Variants in RAB3IL1 observed in about 807,000 individuals in gnomAD.
The protein encoded by RAB3IL1 is guanine nucleotide exchange factor for Rab-3A.
Under a neutral mutation model 49.2 loss-of-function variants are expected in RAB3IL1, and 37 were observed. That is an observed-to-expected ratio of 0.75 (90% CI 0.58 to 0.99). The LOEUF (loss-of-function observed/expected upper bound fraction) is 0.99. Among genes scored for constraint, RAB3IL1 ranks in the 50% least tolerant of loss-of-function variants. The pLI, the probability that RAB3IL1 is intolerant of heterozygous loss-of-function variation, is 0.00. For missense variants in RAB3IL1, 484 were observed against 513.0 expected (o/e 0.94, Z 0.55); for synonymous variants, 193 against 213.9 (o/e 0.90, Z 0.85).
chr11:61,898,653 T>G lies in RAB3IL1; in HGVS notation c.1067-293A>C, dbSNP rs1268227646. 6.6e-6 allele frequency among the ~76,000 whole-genome samples: 1 copy of G among 152,210 alleles called. No individual in the cohort carries two copies. The highest frequency in any genetic ancestry group is 6.5e-5 in the Admixed American group (1 of 15,284). Reference sequence around the variant, plus strand: ...TACACGCTGTCACATGCCACAGCGGTGGTCCAGACCTGGGAACTACATTAG... The same window carrying G: ...TACACGCTGTCACATGCCACAGCGGGGGTCCAGACCTGGGAACTACATTAG... On this transcript the variant is annotated intron_variant, in intron 9 of 9. Transcript: ENST00000394836. The surrounding 1 kb of genome is among the most constrained non-coding windows in gnomAD (Gnocchi z 5.1).
rs545967326 is a variant in RAB3IL1, at chr11:61,903,969, C to T, written c.899+577G>A. Among the ~76,000 whole-genome samples, 6 of 152,080 alleles carry T rather than the reference C, an allele frequency of 3.9e-5. No individual in the cohort carries two copies. In the East Asian group the frequency reaches 9.7e-4, roughly 25 times the overall value. On this transcript the variant is annotated intron_variant, in intron 7 of 9. Coordinates refer to ENST00000394836, the MANE Select transcript of RAB3IL1 (RefSeq NM_013401.4). ...TAGCCAGATGCCCCAGTGGTGCTTC[C>T]GTTAATACTCCAGCTTCTCACACCT...
chr11:61,944,545 C>T, the RAB3IL1 span, among the ~76,000 whole-genome samples: 1 of 152,134 alleles, frequency 6.6e-6, no homozygotes, highest in Non-Finnish European at 1.5e-5. Context: ...ACCAATTAAG[C>T]AAATCAGCAA....
chr11:61,921,868 C>A (rs1388094683), upstream of RAB3IL1, among the ~76,000 whole-genome samples: 1 of 152,140 alleles, frequency 6.6e-6, no homozygotes, highest in Non-Finnish European at 1.5e-5. Context: ...GGAAGTTCTC[C>A]CCTGTGAAAT....
chr11:61,911,829 G>A (rs933075981), intron 1 of RAB3IL1, among the ~76,000 whole-genome samples: 2 of 152,106 alleles, frequency 1.3e-5, no homozygotes, highest in African/African-American at 2.4e-5. Flanking sequence ...AAGGCCCCAC[G>A]GGTCACTTCC....
intron 1 of RAB3IL1, among the ~76,000 whole-genome samples, chr11:61,911,576 T>C (rs1939454725): frequency 6.6e-6 from 1 of 152,142 alleles, no homozygotes; most frequent in Non-Finnish European, 1.5e-5. Context: ...GACCACTTAA[T>C]GTTCTGCTGC....
intron 1 of RAB3IL1, among the ~76,000 whole-genome samples, chr11:61,912,562 G>A (rs925232655): frequency 2.6e-5 from 4 of 152,242 alleles, no homozygotes; most frequent in African/African-American, 9.6e-5. Context: ...ATTGCAGGGA[G>A]ATGCGCTCCT....
intron 7 of RAB3IL1, among the ~76,000 whole-genome samples, chr11:61,904,257 GTTAT>G (rs1565359220): frequency 6.6e-6 from 1 of 152,044 alleles, no homozygotes; most frequent in African/African-American, 2.4e-5. Context: ...CTACTGCGTC[GTTAT>G]TTATTGGCAG....
the RAB3IL1 span, among the ~76,000 whole-genome samples, chr11:61,931,689 T>C: frequency 6.6e-6 from 1 of 152,146 alleles, no homozygotes; most frequent in African/African-American, 2.4e-5. Flanking sequence ...GAGGCATTAA[T>C]AACCTCAGGA....
intron 8 of RAB3IL1, among the ~76,000 whole-genome samples, chr11:61,900,751 C>T (rs900050228): frequency 6.6e-6 from 1 of 152,170 alleles, no homozygotes; most frequent in African/African-American, 2.4e-5. Flanking sequence ...AACTTCAGAC[C>T]CTCCTCACCT....
the RAB3IL1 span, among the ~76,000 whole-genome samples, chr11:61,936,798 T>G: frequency 6.6e-6 from 1 of 152,150 alleles, no homozygotes; most frequent in African/African-American, 2.4e-5. Context: ...CAAAAGAGGA[T>G]TAAGATTTCT....
At chr11:61,902,855 TC>T (rs1254963368) in intron 7 of RAB3IL1, among the ~76,000 whole-genome samples, 1 of 152,100 alleles carries the variant, frequency 6.6e-6, no homozygotes, top group Non-Finnish European at 1.5e-5. Flanking sequence ...CATATGCCTC[TC>T]CCTCTACTTC....
At position 61,902,489 on chromosome 11, in the gene RAB3IL1, C is replaced by T. The variant is rs1389162766; in HGVS notation, c.952G>A (p.Gly318Arg). 9 of 1,603,756 alleles carry T rather than the reference C, an allele frequency of 5.6e-6. No homozygotes were observed. The highest frequency in any genetic ancestry group is 2.7e-5 in the African/African-American group (2 of 74,898). The change falls in exon 8 of 10, where the codon GGG (glycine) becomes AGG (arginine). Residue 318 changes from glycine to arginine, a missense_variant. Physicochemically the swap from Gly to Arg is moderately radical, Grantham distance 125. Transcript: ENST00000394836. The stretch of plus-strand genomic sequence containing the variant: ...ATGTAGTAATGGCTTTTGGAGTCCC[C>T]GAGCCGGATTCGGTGGCGGCAGGTG... Reference protein sequence around the residue: ...TRTCRHRIRLGDSKSHYYISP... With the variant: ...TRTCRHRIRLRDSKSHYYISP...
chr11:61,944,184 C>CTTCCTTCCCTTCCTTGCT, the RAB3IL1 span, among the ~76,000 whole-genome samples: 1 of 148,862 alleles, frequency 6.7e-6, no homozygotes, highest in African/African-American at 2.5e-5. Flanking sequence ...ACCTCCTTCC[C>CTTCCTTCCCTTCCTTGCT]TTCCTTCCCT....
rs1841684072 is a variant in RAB3IL1 at position 61,897,998 on chromosome 11, A to T, written c.*280T>A. 2.4e-6 allele frequency: 1 copy of T among 412,216 alleles called. No homozygotes were observed. Among genetic ancestry groups the T allele is most frequent in the Admixed American group, 4.1e-5 (1 of 24,500 alleles). The allele number at this position is 412,216 out of a possible 1,614,324, so 25.5% of individuals were successfully genotyped here. A position where few individuals can be genotyped will look rare whatever the true frequency, so the allele number is the denominator to read the frequency against. On this transcript the variant is annotated 3_prime_UTR_variant, in exon 10 of 10. Transcript: ENST00000394836. ...TCCCAAGGGCTGAGGCCCCCCGAGT[A>T]TGGATCCGAGCTCCCTGGTCTTTGG... is the stretch of plus-strand genomic sequence containing the variant.
At chr11:61,900,490 C>A (rs377411666) in intron 8 of RAB3IL1, among the ~76,000 whole-genome samples, 3 of 152,066 alleles carry the variant, frequency 2.0e-5, no homozygotes, top group Non-Finnish European at 4.4e-5. Context: ...GAGAGCGGGG[C>A]GAGGTCGGGG....
At chr11:61,901,666 C>T (rs1280382995) in intron 8 of RAB3IL1, among the ~76,000 whole-genome samples, 1 of 152,214 alleles carries the variant, frequency 6.6e-6, no homozygotes, top group African/African-American at 2.4e-5. Context: ...CAGGGGACTG[C>T]GGGTGTCCTC....
the RAB3IL1 span, among the ~76,000 whole-genome samples, chr11:61,933,049 G>A: frequency 2.0e-5 from 3 of 152,276 alleles, no homozygotes; most frequent in Admixed American, 1.3e-4. Flanking sequence ...GATTACAGGT[G>A]TGAACCACCA....
intron 7 of RAB3IL1, among the ~76,000 whole-genome samples, chr11:61,903,931 T>TC (rs57396389): frequency 6.6e-6 from 1 of 152,034 alleles, no homozygotes; most frequent in East Asian, 1.9e-4. Flanking sequence ...CAATTCCCTG[T>TC]CCCCCCACTG....
upstream of RAB3IL1, among the ~76,000 whole-genome samples, chr11:61,921,223 C>T (rs1428452779): frequency 6.6e-6 from 1 of 152,020 alleles, no homozygotes; most frequent in Non-Finnish European, 1.5e-5. Context: ...TAAAACTTCT[C>T]ACCACCACCG....
Sources: allele counts gnomAD v4.1 joint callset (sites outside exome capture counted in the v4.1 genomes callset), GRCh38; gene constraint gnomAD v4.1.1; non-coding constraint Gnocchi (gnomAD v3.1); transcripts MANE v1.5; gene names NCBI Gene and HGNC (gene_info 2026-07-23, HGNC 2026-07-21).